MAGI1: variants seen among roughly 807,000 people sequenced by gnomAD.
The protein encoded by MAGI1 is membrane-associated guanylate kinase, WW and PDZ domain-containing protein 1.
In MAGI1, 58 loss-of-function variants were observed where a neutral mutation model predicts 139.9. That is an observed-to-expected ratio of 0.41 (90% CI 0.34 to 0.52). The LOEUF (loss-of-function observed/expected upper bound fraction) is 0.52. Ranked by LOEUF, MAGI1 falls within the 20% of genes least tolerant of loss-of-function variation. The pLI is 0.12. For synonymous variants in MAGI1, 812 were observed against 737.9 expected (o/e 1.10, Z -1.63); for missense variants, 1,874 against 1,901.6 (o/e 0.99, Z 0.27).
chr3:65,669,007 G>A (rs569924246), intron 1 of MAGI1, among the ~76,000 whole-genome samples: 10 of 151,778 alleles, frequency 6.6e-5, no homozygotes, highest in Admixed American at 3.3e-4. Flanking sequence ...GCACAATCTC[G>A]GCTCACTGCA....
At chr3:65,903,834 C>A (rs565354974) in intron 1 of MAGI1, among the ~76,000 whole-genome samples, 4 of 151,874 alleles carry the variant, frequency 2.6e-5, no homozygotes, top group African/African-American at 9.7e-5. Context: ...GTGGTGAAAC[C>A]CTGTCTCTAC....
chr3:65,828,021 A>G (rs1264441991), intron 1 of MAGI1, among the ~76,000 whole-genome samples: 2 of 152,144 alleles, frequency 1.3e-5, no homozygotes, highest in East Asian at 3.9e-4. Flanking sequence ...CACACAAAAT[A>G]CATGTTCAAC....
intron 1 of MAGI1, among the ~76,000 whole-genome samples, chr3:65,869,319 C>T (rs1267613936): frequency 6.6e-6 from 1 of 151,706 alleles, no homozygotes; most frequent in Non-Finnish European, 1.5e-5. Flanking sequence ...TCCTACCCTA[C>T]CTGCCATCCC....
intron 1 of MAGI1, among the ~76,000 whole-genome samples, chr3:66,007,805 C>T (rs937727308): frequency 2.0e-5 from 3 of 151,514 alleles, no homozygotes; most frequent in Admixed American, 6.6e-5. Flanking sequence ...TTCCTTAGGG[C>T]AGAAGAGAAG....
intron 1 of MAGI1, among the ~76,000 whole-genome samples, chr3:65,700,450 A>AAAATAAAT (rs144201469): frequency 1.3e-4 from 20 of 151,734 alleles, no homozygotes; most frequent in Non-Finnish European, 2.8e-4. Context: ...ACTCCATCTC[A>AAAATAAAT]AAATAAATAA....
intron 13 of MAGI1, among the ~76,000 whole-genome samples, chr3:65,399,756 A>T (rs1944705443): frequency 6.6e-6 from 1 of 152,260 alleles, no homozygotes; most frequent in Non-Finnish European, 1.5e-5. Context: ...TGCAGGTTCA[A>T]TACCTATTTG....
intron 2 of MAGI1, among the ~76,000 whole-genome samples, chr3:65,618,939 G>A (rs1441161668): frequency 6.6e-6 from 1 of 151,988 alleles, no homozygotes; most frequent in African/African-American, 2.4e-5. Flanking sequence ...TTTCTGTTGG[G>A]GTTTTTCTAG....
At chr3:65,928,056 T>C (rs752760487) in intron 1 of MAGI1, among the ~76,000 whole-genome samples, 1 of 152,134 alleles carries the variant, frequency 6.6e-6, no homozygotes, top group Admixed American at 6.5e-5. Flanking sequence ...AATTTTCACC[T>C]CCTAATATGC....
chr3:65,966,807 A>G (rs1021270277), intron 1 of MAGI1, among the ~76,000 whole-genome samples: 1 of 152,228 alleles, frequency 6.6e-6, no homozygotes, highest in Non-Finnish European at 1.5e-5. Context: ...AGTACCAGGC[A>G]CACAGTTGCT....
intron 4 of MAGI1, among the ~76,000 whole-genome samples, chr3:65,472,793 GT>G (rs1412328136): frequency 6.6e-6 from 1 of 152,204 alleles, no homozygotes; most frequent in African/African-American, 2.4e-5. Flanking sequence ...TGGACTTGGG[GT>G]TGCCAAACTT....
At chr3:65,722,416 T>C (rs1331831946) in intron 1 of MAGI1, among the ~76,000 whole-genome samples, 1 of 151,994 alleles carries the variant, frequency 6.6e-6, no homozygotes, top group East Asian at 1.9e-4. Context: ...GACAGATCAC[T>C]TAAGCCCAGG....
At chr3:65,393,461 T>A (rs192850925) in intron 13 of MAGI1, among the ~76,000 whole-genome samples, 1 of 152,284 alleles carries the variant, frequency 6.6e-6, no homozygotes, top group East Asian at 1.9e-4. Context: ...CTTTTTATAA[T>A]CAAGACAAAA....
chr3:65,737,591 G>A (rs902927283), intron 1 of MAGI1, among the ~76,000 whole-genome samples: 9 of 152,164 alleles, frequency 5.9e-5, no homozygotes, highest in Admixed American at 1.3e-4. Flanking sequence ...ATGGCAGGTG[G>A]TAGCTCACTC....
At chr3:65,862,396 C>T (rs1487912612) in intron 1 of MAGI1, among the ~76,000 whole-genome samples, 1 of 152,152 alleles carries the variant, frequency 6.6e-6, no homozygotes, top group African/African-American at 2.4e-5. Flanking sequence ...CATGCCTTCC[C>T]CATGAGCCCT....
chr3:65,455,934 A>G (rs1480504376), intron 5 of MAGI1, among the ~76,000 whole-genome samples: 1 of 152,164 alleles, frequency 6.6e-6, no homozygotes, highest in African/African-American at 2.4e-5. Flanking sequence ...CCACTCAAAG[A>G]CATCTGGATC....
intron 2 of MAGI1, chr3:65,597,931 GGGGGT>G: frequency 2.2e-6 from 1 of 451,682 alleles, no homozygotes; most frequent in Non-Finnish European, 4.5e-6. Context: ...GGGGTGGGGG[GGGGGT>G]GGGACCGAAC....
chr3:65,655,649 T>A (rs973062158), intron 1 of MAGI1, among the ~76,000 whole-genome samples: 1 of 152,200 alleles, frequency 6.6e-6, no homozygotes, highest in African/African-American at 2.4e-5. Flanking sequence ...AATTCAGTCC[T>A]CACCACTCTT....
intron 1 of MAGI1, among the ~76,000 whole-genome samples, chr3:65,854,297 C>T (rs2059302566): frequency 6.6e-6 from 1 of 151,544 alleles, no homozygotes; most frequent in African/African-American, 2.4e-5. Context: ...TAAGACAAAA[C>T]ACAACAAAGA....
chr3:65,443,777 T>A (rs72896320), intron 7 of MAGI1, among the ~76,000 whole-genome samples: 1 of 152,170 alleles, frequency 6.6e-6, no homozygotes, highest in East Asian at 1.9e-4. Context: ...GGCAAACTTA[T>A]GTAACACCAC....
Sources: allele counts gnomAD v4.1 joint callset (sites outside exome capture counted in the v4.1 genomes callset), GRCh38; gene constraint gnomAD v4.1.1; transcripts MANE v1.5; gene names NCBI Gene and HGNC (gene_info 2026-07-23, HGNC 2026-07-21).